Variants in IL1RAPL2 observed in about 807,000 individuals in gnomAD.
IL1RAPL2 encodes X-linked interleukin-1 receptor accessory protein-like 2.
In IL1RAPL2, 3 loss-of-function variants were observed where a neutral mutation model predicts 44.1. The observed-to-expected ratio is 0.07, with a 90% CI of 0.03 to 0.18. The LOEUF (loss-of-function observed/expected upper bound fraction) is 0.18, where lower values mean the gene tolerates loss of function less well. Among genes scored for constraint, IL1RAPL2 ranks in the 10% least tolerant of loss-of-function variants. IL1RAPL2 has a pLI of 1.00. For missense variants in IL1RAPL2, 391 were observed against 496.4 expected, an observed-to-expected ratio of 0.79 and a Z score of 2.02; for synonymous variants, 181 against 178.8, an observed-to-expected ratio of 1.01 and a Z score of -0.10.
At chrX:104,601,368 CAT>C (rs1602637915) in intron 1 of IL1RAPL2, among the ~76,000 whole-genome samples, 1 of 108,352 alleles carries the variant, frequency 9.2e-6, no homozygotes, top group South Asian at 4.1e-4. Flanking sequence ...TTAGTGAGAA[CAT>C]GTGGTGTTTG....
At chrX:105,028,593 G>T (rs1053269332) in intron 2 of IL1RAPL2, among the ~76,000 whole-genome samples, 2 of 111,448 alleles carry the variant, frequency 1.8e-5, no homozygotes, top group African/African-American at 6.5e-5. Flanking sequence ...GTAGCACCAT[G>T]AGGAGTCATG....
At position 105,684,991 on chromosome X, in the gene IL1RAPL2, A is replaced by C. The variant is rs12010002; in HGVS notation, c.773-32376A>C. 5.9e-3 allele frequency among the ~76,000 whole-genome samples: 668 copies of C among 112,300 alleles called. 1 individual carries two copies. The highest frequency in any genetic ancestry group is 0.023 in the Middle Eastern group (5 of 218). ...ACTGTTAGAAGGAAAACTAACAAAC[A>C]GAAAGGAATAGCGTCAACATCAACA... On this transcript the variant is annotated intron_variant, in intron 6 of 10. Coordinates refer to ENST00000372582, the MANE Select transcript of IL1RAPL2 (RefSeq NM_017416.2).
chrX:104,727,226 C>T (rs1335088802), intron 2 of IL1RAPL2, among the ~76,000 whole-genome samples: 1 of 110,841 alleles, frequency 9.0e-6, no homozygotes, highest in Non-Finnish European at 1.9e-5. Flanking sequence ...TTACAAGGAA[C>T]TCAAATGTCT....
At chrX:104,683,382 A>G (rs1342826562) in intron 2 of IL1RAPL2, among the ~76,000 whole-genome samples, 5 of 111,519 alleles carry the variant, frequency 4.5e-5, no homozygotes, top group Non-Finnish European at 9.4e-5. Context: ...GGCTTCATCC[A>G]AATTGTTCTC....
Position 105,604,127 on chromosome X carries a change from T to C in IL1RAPL2, c.773-113240T>C, listed in dbSNP as rs748075033. On this transcript the variant is annotated intron_variant, in intron 6 of 10. Coordinates refer to ENST00000372582, the MANE Select transcript of IL1RAPL2 (RefSeq NM_017416.2). ...ACCAGACAAGCAATAACAAACACAA[T>C]TCAAAATTAGTAGAAGAAAATAAAT... Among the ~76,000 whole-genome samples, 184 of 109,395 alleles carry C rather than the reference T, an allele frequency of 1.7e-3. 1 individual carries two copies. The highest frequency in any genetic ancestry group is 4.0e-4 in the Non-Finnish European group (21 of 52,118). The allele number at this position is 109,395 out of a possible 115,157, so 95.0% of individuals were successfully genotyped here.
At chrX:105,097,252 G>T (rs780416735) in intron 2 of IL1RAPL2, among the ~76,000 whole-genome samples, 12 of 103,994 alleles carry the variant, frequency 1.2e-4, no homozygotes, top group African/African-American at 4.3e-4. Context: ...GCATGAACCC[G>T]GGAGGCGGAG....
chrX:105,662,828 C>G (rs2037730609), intron 6 of IL1RAPL2, among the ~76,000 whole-genome samples: 1 of 111,791 alleles, frequency 8.9e-6, no homozygotes, highest in Non-Finnish European at 1.9e-5. Flanking sequence ...TCTTGAAGAC[C>G]TAGTCAAGAC....
chrX:105,603,241 CAAAA>C (rs758595129), intron 6 of IL1RAPL2, among the ~76,000 whole-genome samples: 2 of 74,365 alleles, frequency 2.7e-5, no homozygotes, highest in African/African-American at 4.9e-5. Context: ...TGAATGGATC[CAAAA>C]AAAAAAAAAA....
intron 1 of IL1RAPL2, among the ~76,000 whole-genome samples, chrX:104,657,936 A>G (rs1357408261): frequency 8.9e-6 from 1 of 112,458 alleles, no homozygotes; most frequent in Non-Finnish European, 1.9e-5. Flanking sequence ...CACACCAGTT[A>G]GAATGGCATT....
At chrX:105,514,910 AG>A (rs769530646) in intron 6 of IL1RAPL2, among the ~76,000 whole-genome samples, 1 of 112,050 alleles carries the variant, frequency 8.9e-6, no homozygotes, top group African/African-American at 3.2e-5. Flanking sequence ...CAATTGAATC[AG>A]GGTTGAAAAG....
At chrX:104,987,259 C>G (rs1220444034) in intron 2 of IL1RAPL2, among the ~76,000 whole-genome samples, 1 of 110,967 alleles carries the variant, frequency 9.0e-6, no homozygotes, top group African/African-American at 3.3e-5. Flanking sequence ...AAATAGTGTT[C>G]CAGGTTTCTG....
rs376787178 is a variant in IL1RAPL2 at position 104,944,879 on chromosome X, G to GC, written c.83-250595dup. Among the ~76,000 whole-genome samples the GC allele has an allele frequency of 1.4e-3, 159 of 111,855 alleles. 1 individual carries two copies. The highest frequency in any genetic ancestry group is 4.8e-3 in the African/African-American group (148 of 30,862). ...TCATAAAGACCTGGGTTGAAATTCT[G>GC]CTCAGCTACTAACTAACTTTGTGGC... On this transcript the variant is annotated intron_variant, in intron 2 of 10. Transcript: ENST00000372582.
chrX:105,074,867 C>T (rs1480274101), intron 2 of IL1RAPL2, among the ~76,000 whole-genome samples: 4 of 110,418 alleles, frequency 3.6e-5, no homozygotes, highest in Non-Finnish European at 7.6e-5. Context: ...TATAAGAATG[C>T]TTGTGATTTT....
At chrX:104,687,695 T>C (rs146713363) in intron 2 of IL1RAPL2, among the ~76,000 whole-genome samples, 1 of 111,611 alleles carries the variant, frequency 9.0e-6, no homozygotes, top group African/African-American at 3.3e-5. Context: ...CAAAAATTTC[T>C]GTCTTTGCCC....
At chrX:104,749,243 G>T (rs1258136400) in intron 2 of IL1RAPL2, among the ~76,000 whole-genome samples, 1 of 110,962 alleles carries the variant, frequency 9.0e-6, no homozygotes, top group Admixed American at 9.6e-5. Context: ...CACCAGCAGA[G>T]ATATAAGTAC....
In IL1RAPL2 at chrX:104,792,031, C is replaced by T. The variant is rs146740275; in HGVS notation, c.82+133036C>T. On this transcript the variant is annotated intron_variant, in intron 2 of 10. Transcript: ENST00000372582. ...CTTCATATAGTCTATCAAGTGAGAA[C>T]AATTAGGAAGGCCCCTATGGTCCTA... Among the ~76,000 whole-genome samples the T allele has an allele frequency of 4.5e-4, 50 of 111,088 alleles. No homozygotes were observed. In the East Asian group the frequency reaches 0.013, roughly 30 times the overall value.
intron 2 of IL1RAPL2, among the ~76,000 whole-genome samples, chrX:104,896,416 C>T (rs1337212301): frequency 9.0e-6 from 1 of 111,539 alleles, no homozygotes; most frequent in Non-Finnish European, 1.9e-5. Flanking sequence ...TTCTTTGCCC[C>T]TATCCAGCAG....
At chrX:104,785,506 T>A (rs1932793774) in intron 2 of IL1RAPL2, among the ~76,000 whole-genome samples, 1 of 111,827 alleles carries the variant, frequency 8.9e-6, no homozygotes, top group African/African-American at 3.3e-5. Context: ...TTTCAAGTAT[T>A]GTAAGATAGT....
chrX:104,650,861 A>G (rs1197539300), intron 1 of IL1RAPL2, among the ~76,000 whole-genome samples: 1 of 111,602 alleles, frequency 9.0e-6, no homozygotes, highest in Admixed American at 9.5e-5. Flanking sequence ...TGGTTAAGAG[A>G]TTGGGGTTTG....
Sources: gnomAD v4.1 joint callset for allele counts (sites outside exome capture counted in the v4.1 genomes callset) on GRCh38, gnomAD v4.1.1 for gene constraint, MANE v1.5 for transcripts, NCBI Gene and HGNC (gene_info 2026-07-23, HGNC 2026-07-21) for gene names.